Variants in ROS1 observed in about 807,000 individuals in gnomAD.
ROS1 encodes the protein ROS proto-oncogene 1, receptor tyrosine kinase.
A neutral mutation model predicts 273.5 loss-of-function variants in ROS1; 263 were observed. The observed-to-expected ratio is 0.96, with a 90% confidence interval of 0.87 to 1.06. The LOEUF (loss-of-function observed/expected upper bound fraction) is 1.06, where lower values mean the gene tolerates loss of function less well. Among genes scored for constraint, ROS1 ranks in the 50% least tolerant of loss-of-function variants. ROS1 has a pLI of 0.00. For synonymous variants in ROS1, 1,008 were observed against 954.1 expected (o/e 1.06, Z -1.04); for missense variants, 2,833 against 2,751.1 (o/e 1.03, Z -0.67).
At chr6:117,390,254 A>T (rs1002694026) in intron 12 of ROS1, among the ~76,000 whole-genome samples, 10 of 152,116 alleles carry the variant, frequency 6.6e-5, no homozygotes, top group African/African-American at 2.4e-4. Context: ...TCAGTATCCC[A>T]TGTAGCTGGG....
chr6:117,365,774 A>G, intron 19 of ROS1, 33 bp from the exon 20 acceptor site: 5 of 1,462,476 alleles, frequency 3.4e-6, no homozygotes, highest in Non-Finnish European at 3.7e-6. Context: ...GAAATAGGAG[A>G]AAAAAATGGG....
chr6:117,292,602 C>T (rs1773923359), intron 43 of ROS1, among the ~76,000 whole-genome samples: 1 of 152,200 alleles, frequency 6.6e-6, no homozygotes, highest in South Asian at 2.1e-4. Flanking sequence ...ACCTAGTCTG[C>T]ACCCTGGACT....
rs548868586 is a variant in ROS1 at position 117,425,533 on chromosome 6, C to T, written c.123+1G>A. The T allele has an allele frequency of 6.3e-7, 1 of 1,589,134 alleles. No individual in the cohort carries two copies. The highest frequency in any genetic ancestry group is 8.5e-7 in the Non-Finnish European group (1 of 1,171,794). On this transcript the variant is annotated splice_donor_variant, in intron 1 of 43. Transcript: ENST00000368507. LOFTEE classifies it high-confidence loss of function. ...GACAAATATTAGATTGTGAGACTTA[C>T]CAGATTAGTTACACACGACTTTAGG... is the stretch of plus-strand genomic sequence containing the variant.
intron 19 of ROS1, 67 bp from the exon 20 acceptor site, chr6:117,365,808 A>G (rs1780169156): frequency 8.0e-7 from 1 of 1,251,130 alleles, no homozygotes; most frequent in Admixed American, 2.9e-5. Flanking sequence ...TATAGAAATC[A>G]TAGAAAATCA....
intron 35 of ROS1, among the ~76,000 whole-genome samples, chr6:117,323,670 A>C (rs1776438551): frequency 6.6e-6 from 1 of 152,154 alleles, no homozygotes; most frequent in South Asian, 2.1e-4. Flanking sequence ...TCAGTACTTG[A>C]CCATTCCCTT....
chr6:117,307,754 C>A (rs1429721811), intron 42 of ROS1, among the ~76,000 whole-genome samples: 2 of 152,150 alleles, frequency 1.3e-5, no homozygotes, highest in African/African-American at 2.4e-5. Flanking sequence ...AGTAGAACAT[C>A]TAACCAAGGT....
chr6:117,385,292 C>T lies in ROS1; in HGVS notation c.2289+391G>A, dbSNP rs188354001. 2.7e-3 allele frequency among the ~76,000 whole-genome samples: 410 copies of T among 152,260 alleles called. 2 individuals are homozygous for T. The highest frequency in any genetic ancestry group is 9.6e-3 in the African/African-American group (398 of 41,570). ...AGATGAGGCCGGGAGCGGTGGCTCA[C>T]GCCTGTAATCCCAGCACTTTGGGAG... On this transcript the variant is annotated intron_variant, in intron 16 of 43. Coordinates refer to ENST00000368507, the MANE Select transcript of ROS1 (RefSeq NM_001378902.1).
rs934481056 is a variant in ROS1 at position 117,425,792 on chromosome 6, A to G, written c.-136T>C. On this transcript the variant is annotated 5_prime_UTR_variant, in exon 1 of 44. Transcript: ENST00000368507. ...TTTGTTTGTTTTGCTATATTAGGAT[A>G]TACTTGCCTTTTGAAATAATACTTA... The G allele has an allele frequency of 2.3e-6, 2 of 888,540 alleles. No homozygotes were observed. Among genetic ancestry groups the G allele is most frequent in the Non-Finnish European group, 3.5e-6 (2 of 572,172 alleles). The allele number at this position is 888,540 out of a possible 1,614,324, so 55.0% of individuals were successfully genotyped here. A position where few individuals can be genotyped will look rare whatever the true frequency, so the allele number is the denominator to read the frequency against.
rs369398677 is a variant in ROS1 at position 117,383,539 on chromosome 6, G to A, written c.2290-31C>T. On this transcript the variant is annotated intron_variant, in intron 16 of 43. Transcript: ENST00000368507. ...AAACATAATTGTATGGCCAGTTAAT[G>A]GCTTTCAAGTGACATTATTATTTCT... The A allele has an allele frequency of 1.5e-5, 22 of 1,484,538 alleles. No individual in the cohort carries two copies. The African/African-American group carries it at 2.9e-4, about 20-fold the overall frequency. The allele number at this position is 1,484,538 out of a possible 1,614,324, so 92.0% of individuals were successfully genotyped here.
At chr6:117,415,969 G>A (rs920945170) in intron 3 of ROS1, among the ~76,000 whole-genome samples, 10 of 152,098 alleles carry the variant, frequency 6.6e-5, no homozygotes, top group Admixed American at 5.2e-4. Flanking sequence ...AACAAATACC[G>A]GAGATTCTAC....
At chr6:117,347,094 T>C (rs1778439475) in intron 27 of ROS1, among the ~76,000 whole-genome samples, 1 of 152,178 alleles carries the variant, frequency 6.6e-6, no homozygotes, top group African/African-American at 2.4e-5. Context: ...TGTTAATATC[T>C]ACAAAATAAC....
intron 33 of ROS1, among the ~76,000 whole-genome samples, chr6:117,327,806 C>A (rs1776752407): frequency 6.6e-6 from 1 of 151,908 alleles, no homozygotes; most frequent in East Asian, 1.9e-4. Flanking sequence ...TAGGGTGGAC[C>A]CTAATCCAAT....
chr6:117,367,275 C>T (rs1398057441), intron 18 of ROS1, among the ~76,000 whole-genome samples: 1 of 151,744 alleles, frequency 6.6e-6, no homozygotes, highest in Non-Finnish European at 1.5e-5. Context: ...AAAAGGAAAG[C>T]CTATTGCATT....
At chr6:117,342,050 A>C (rs1777975168) in intron 29 of ROS1, among the ~76,000 whole-genome samples, 3 of 152,148 alleles carry the variant, frequency 2.0e-5, no homozygotes. Context: ...ATTCACATAG[A>C]AAAAAAGCTT....
intron 31 of ROS1, among the ~76,000 whole-genome samples, chr6:117,338,747 G>T (rs1777671784): frequency 6.6e-6 from 1 of 152,158 alleles, no homozygotes; most frequent in African/African-American, 2.4e-5. Flanking sequence ...TGTCTGGGCA[G>T]ACCACCAACT....
chr6:117,357,865 C>G lies in ROS1; in HGVS notation c.3778G>C (p.Glu1260Gln), dbSNP rs1779459474. 2 of 1,613,470 alleles carry G rather than the reference C, an allele frequency of 1.2e-6. No homozygotes were observed. The highest frequency in any genetic ancestry group is 1.7e-6 in the Non-Finnish European group (2 of 1,179,688). The change falls in exon 25 of 44, where the codon GAG becomes CAG. Residue 1260 changes from glutamate to glutamine, a missense_variant. Coordinates refer to ENST00000368507, the MANE Select transcript of ROS1 (RefSeq NM_001378902.1). ...GAATTCCTATTGTGAATCTTCACCT[C>G]TCTGGGATATTTCACCTTGTGTTCA... Reference protein sequence around the residue: ...DLEHKVKYPREVKIHNRNSTI... With the variant: ...DLEHKVKYPRQVKIHNRNSTI...
At position 117,353,045 on chromosome 6, in the gene ROS1, C is replaced by T. The variant is rs1474691000; in HGVS notation, c.4248G>A (p.Lys1416=). The change falls in exon 27 of 44, where the codon AAG becomes AAA. Residue 1416 remains lysine (K), a synonymous_variant. Transcript: ENST00000368507. ...KGNGAIVSQV[K]ALRSRHILAY... is the part of the protein sequence containing the mutation. The stretch of plus-strand genomic sequence containing the variant: ...CCAAGATATGCCTACTCCTTAGGGC[C>T]TTCACCTGGGAAACGATGGCCCCAT... 1.2e-6 allele frequency: 2 copies of T among 1,614,144 alleles called. No individual in the cohort carries two copies. The highest frequency in any genetic ancestry group is 4.5e-5 in the East Asian group (2 of 44,880).
intron 42 of ROS1, among the ~76,000 whole-genome samples, chr6:117,305,527 C>A (rs865886867): frequency 2.6e-5 from 4 of 152,144 alleles, no homozygotes; most frequent in African/African-American, 9.7e-5. Context: ...ACTTAATTTT[C>A]TGATGACAAA....
At chr6:117,349,017 G>A (rs897766435) in intron 27 of ROS1, among the ~76,000 whole-genome samples, 1 of 151,960 alleles carries the variant, frequency 6.6e-6, no homozygotes, top group South Asian at 2.1e-4. Flanking sequence ...AATGTTCCAT[G>A]TGAGCTTGAG....
Sources: gnomAD v4.1 joint callset for allele counts (sites outside exome capture counted in the v4.1 genomes callset) on GRCh38, gnomAD v4.1.1 for gene constraint, MANE v1.5 for transcripts, NCBI Gene and HGNC (gene_info 2026-07-23, HGNC 2026-07-21) for gene names.